NFASC: variants seen among roughly 807,000 people sequenced by gnomAD.
NFASC encodes neurofascin.
A neutral mutation model predicts 147.5 loss-of-function variants in NFASC; 43 were observed. The observed-to-expected ratio is 0.29, with a 90% CI of 0.23 to 0.38. The LOEUF is 0.38. NFASC is among the 10% of genes least tolerant of loss of function. The probability of loss-of-function intolerance (pLI) is 1.00; values close to 1 mark genes in which losing one functional copy is unlikely to be tolerated. For synonymous variants in NFASC, 622 were observed against 665.5 expected, an observed-to-expected ratio of 0.93 and a Z score of 1.01; for missense variants, 1,320 against 1,689.0, an observed-to-expected ratio of 0.78 and a Z score of 3.83.
intron 21 of NFASC, chr1:204,983,991 C>T (rs1029469230): frequency 6.9e-7 from 1 of 1,450,990 alleles, no homozygotes; most frequent in Non-Finnish European, 9.7e-7. Context: ...TAGAGTCCTG[C>T]CTGCATAACC....
At chr1:204,965,000 C>T (rs1328392377) in intron 8 of NFASC, among the ~76,000 whole-genome samples, 2 of 152,192 alleles carry the variant, frequency 1.3e-5, no homozygotes, top group African/African-American at 2.4e-5. Context: ...TCCCCAGAAA[C>T]CCATGGACCC....
At chr1:204,996,289 T>A (rs1221206359) in intron 24 of NFASC, among the ~76,000 whole-genome samples, 2 of 152,136 alleles carry the variant, frequency 1.3e-5, no homozygotes, top group East Asian at 3.9e-4. Flanking sequence ...AAGCCCAGCA[T>A]GCGCCTCACT....
intron 1 of NFASC, among the ~76,000 whole-genome samples, chr1:204,903,331 C>T (rs537534749): frequency 3.3e-5 from 5 of 152,280 alleles, no homozygotes; most frequent in Non-Finnish European, 7.4e-5. Flanking sequence ...GTGGCTGGGC[C>T]AGGAGTGACA....
At chr1:204,946,459 G>C (rs1354967531) in intron 3 of NFASC, 1 of 423,438 alleles carries the variant, frequency 2.4e-6, no homozygotes, top group African/African-American at 2.0e-5. Flanking sequence ...CGGGGCAGGA[G>C]ACCCAGGCTG....
At chr1:204,958,565 G>T (rs1409854036) in intron 8 of NFASC, among the ~76,000 whole-genome samples, 1 of 152,176 alleles carries the variant, frequency 6.6e-6, no homozygotes, top group Non-Finnish European at 1.5e-5. Flanking sequence ...GCAGCCTAGA[G>T]CTTTTGCTGC....
At chr1:204,923,564 A>T (rs1381360061) in intron 2 of NFASC, among the ~76,000 whole-genome samples, 1 of 152,104 alleles carries the variant, frequency 6.6e-6, no homozygotes, top group African/African-American at 2.4e-5. Flanking sequence ...TGTCAGAGAG[A>T]AGCTGGGCCT....
chr1:204,845,145 G>T (rs985542746), intron 1 of NFASC, among the ~76,000 whole-genome samples: 1 of 152,112 alleles, frequency 6.6e-6, no homozygotes, highest in Non-Finnish European at 1.5e-5. Flanking sequence ...AGTTAAAAGA[G>T]AAATGTTTTC....
intron 24 of NFASC, 92 bp downstream of exon 24, chr1:204,991,398 A>G: frequency 7.5e-7 from 1 of 1,335,402 alleles, no homozygotes; most frequent in South Asian, 1.2e-5. Flanking sequence ...GGAGAGGCTC[A>G]GGCTGAAAGC....
chr1:204,905,304 T>C (rs1234109396), intron 1 of NFASC, among the ~76,000 whole-genome samples: 1 of 152,120 alleles, frequency 6.6e-6, no homozygotes, highest in African/African-American at 2.4e-5. Context: ...GCTGCACTAT[T>C]TTACATTCCC....
intron 8 of NFASC, among the ~76,000 whole-genome samples, chr1:204,960,595 C>T (rs554236699): frequency 6.6e-6 from 1 of 152,332 alleles, no homozygotes; most frequent in African/African-American, 2.4e-5. Context: ...TGGGCGTGGG[C>T]TACTTCTCTG....
chr1:204,891,933 C>T (rs2082483304), intron 1 of NFASC, among the ~76,000 whole-genome samples: 1 of 152,192 alleles, frequency 6.6e-6, no homozygotes, highest in Non-Finnish European at 1.5e-5. Context: ...AACCTAGTAC[C>T]ATAATCTTCT....
intron 3 of NFASC, 62 bp downstream of exon 3, chr1:204,944,468 G>C: frequency 6.3e-6 from 3 of 473,318 alleles, no homozygotes; most frequent in Non-Finnish European, 7.8e-6. Flanking sequence ...GGTGGGAGGG[G>C]AGGGAAGGTC....
chr1:204,864,167 T>C (rs750021814), intron 1 of NFASC, among the ~76,000 whole-genome samples: 6 of 152,222 alleles, frequency 3.9e-5, no homozygotes, highest in Admixed American at 6.5e-5. Context: ...CTTAGCATAA[T>C]ATTTTCAAGG....
At chr1:204,902,164 A>G (rs2084777632) in intron 1 of NFASC, among the ~76,000 whole-genome samples, 1 of 152,168 alleles carries the variant, frequency 6.6e-6, no homozygotes, top group African/African-American at 2.4e-5. Flanking sequence ...GCATGGTGAT[A>G]CACACCTGTA....
chr1:204,898,586 T>G (rs914681269), intron 1 of NFASC, among the ~76,000 whole-genome samples: 3 of 152,178 alleles, frequency 2.0e-5, no homozygotes, highest in Non-Finnish European at 4.4e-5. Flanking sequence ...TGGGGTCACT[T>G]CTTTCTCTAG....
At chr1:204,857,467 C>T (rs1474356146) in intron 1 of NFASC, among the ~76,000 whole-genome samples, 2 of 142,810 alleles carry the variant, frequency 1.4e-5, no homozygotes, top group South Asian at 4.2e-4. Context: ...CGGCGTGCCC[C>T]TGCCTGCCTA....
At chr1:205,007,739 C>G (rs2096153639) in intron 27 of NFASC, among the ~76,000 whole-genome samples, 1 of 152,110 alleles carries the variant, frequency 6.6e-6, no homozygotes. Flanking sequence ...GCCAGCATGG[C>G]TGGAGCATAA....
In NFASC at chr1:204,954,490, T is replaced by G; in HGVS notation, c.412+106T>G. On this transcript the variant is annotated intron_variant, in intron 6 of 29. Coordinates refer to ENST00000339876, the MANE Select transcript of NFASC (RefSeq NM_001005388.3). This position sits in a 1 kb window ranked among gnomAD's most constrained non-coding sequence, Gnocchi z 5.7. The stretch of plus-strand genomic sequence containing the variant: ...GGCTGCCCCTGCCCTTGGCCTGCAG[T>G]TGCCTTGGTGTTCTCTATGCATCTT... 9.4e-7 allele frequency: 1 copy of G among 1,061,344 alleles called. No homozygotes were observed. The highest frequency in any genetic ancestry group is 1.4e-6 in the Non-Finnish European group (1 of 736,864). 65.7% of individuals were successfully genotyped at this position (1,061,344 alleles called of 1,614,324 possible). A position where few individuals can be genotyped will look rare whatever the true frequency, so the allele number is the denominator to read the frequency against.
In NFASC at chr1:204,936,194, C is replaced by CTTTTTTTTTTTTTTTTTTTTT. The variant is rs1288327632; in HGVS notation, c.-90-8029_-90-8028insTTTTTTTTTTTTTTTTTTTTT. ...GCATTAACAGATTCCCTCTCTCTCTCTTTCTTTTTCTTTTTTTTTTTTTTT... is the reference window on the plus strand; with the variant it reads ...GCATTAACAGATTCCCTCTCTCTCTCTTTTTTTTTTTTTTTTTTTTTTTTCTTTTTCTTTTTTTTTTTTTTT... On this transcript the variant is annotated intron_variant, in intron 2 of 29. Coordinates refer to ENST00000339876, the MANE Select transcript of NFASC (RefSeq NM_001005388.3). Among the ~76,000 whole-genome samples, 2 of 63,814 alleles carry CTTTTTTTTTTTTTTTTTTTTT rather than the reference C, an allele frequency of 3.1e-5. 1 individual carries two copies. The allele number at this position is 63,814 out of a possible 152,430, so 41.9% of individuals were successfully genotyped here.
Sources: allele counts gnomAD v4.1 joint callset (sites outside exome capture counted in the v4.1 genomes callset), GRCh38; gene constraint gnomAD v4.1.1; non-coding constraint Gnocchi (gnomAD v3.1); transcripts MANE v1.5; gene names NCBI Gene and HGNC (gene_info 2026-07-23, HGNC 2026-07-21).